Variants in DAB1 observed in about 807,000 individuals in gnomAD.
DAB1 encodes disabled homolog 1.
DAB1 carries 15 observed loss-of-function variants against 64.6 expected under a neutral mutation model. The ratio of observed to expected loss-of-function variants is 0.23; its 90% CI spans 0.16 to 0.36. The LOEUF (loss-of-function observed/expected upper bound fraction) is 0.36, where lower values mean the gene tolerates loss of function less well. DAB1 is among the 10% of genes least tolerant of loss of function. The pLI is 1.00. For synonymous variants in DAB1, 235 were observed against 251.9 expected (o/e 0.93, Z 0.64); for missense variants, 596 against 706.7 (o/e 0.84, Z 1.78).
chr1:57,653,910 CTATTAGA>C (rs1646285647), intron 6 of DAB1, among the ~76,000 whole-genome samples: 1 of 152,186 alleles, frequency 6.6e-6, no homozygotes. Flanking sequence ...TGTGCCCGGC[CTATTAGA>C]TATTGCTCTA....
intron 4 of DAB1, among the ~76,000 whole-genome samples, chr1:57,086,823 A>G (rs1653135999): frequency 6.6e-6 from 1 of 152,290 alleles, no homozygotes; most frequent in Middle Eastern, 3.4e-3. Flanking sequence ...TAATAGCATA[A>G]GGCTTTATAA....
At chr1:58,225,976 A>C (rs559169127) in intron 4 of DAB1, among the ~76,000 whole-genome samples, 2,651 of 150,298 alleles carry the variant, frequency 0.018, 71 homozygotes, top group African/African-American at 0.061. Flanking sequence ...AAAAAAAAAA[A>C]ACCTGAGGCT....
chr1:57,856,315 C>A (rs1653752712), intron 1 of DAB1, among the ~76,000 whole-genome samples: 1 of 152,148 alleles, frequency 6.6e-6, no homozygotes, highest in African/African-American at 2.4e-5. Flanking sequence ...AGAGCCCTTA[C>A]CATGATGGGC....
At chr1:57,438,159 TTCAG>T (rs1369792523) in intron 7 of DAB1, among the ~76,000 whole-genome samples, 1 of 152,202 alleles carries the variant, frequency 6.6e-6, no homozygotes, top group Non-Finnish European at 1.5e-5. Context: ...AGCCCTTTAG[TTCAG>T]TCAGTCATTC....
chr1:57,926,840 T>A lies in DAB1; in HGVS notation n.388-42678A>T, dbSNP rs1570008939. Among the ~76,000 whole-genome samples the A allele has an allele frequency of 3.9e-5, 6 of 152,278 alleles. 2 individuals carry two copies. The highest frequency in any genetic ancestry group is 3.9e-4 in the Admixed American group (6 of 15,296). On this transcript the variant is annotated intron_variant and non_coding_transcript_variant, in intron 5 of 20. Coordinates refer to the DAB1 transcript ENST00000485760. The stretch of plus-strand genomic sequence containing the variant: ...TTCCTAGGAAAGCTTCCCACTCAGC[T>A]CCAAATTGCAAAGTTACAGGGATAA...
intron 5 of DAB1, among the ~76,000 whole-genome samples, chr1:58,066,685 C>A (rs890391556): frequency 2.6e-5 from 4 of 152,068 alleles, no homozygotes; most frequent in East Asian, 3.9e-4. Context: ...TCGGGTGGCA[C>A]CTCTGACTAT....
intron 6 of DAB1, among the ~76,000 whole-genome samples, chr1:57,810,716 C>T (rs1208868579): frequency 6.6e-6 from 1 of 152,204 alleles, no homozygotes; most frequent in Admixed American, 6.5e-5. Flanking sequence ...TCCCAAAAGT[C>T]CTGTACTTCC....
chr1:58,176,910 C>T lies in DAB1; in HGVS notation n.310-26322G>A, dbSNP rs919552002. Among the ~76,000 whole-genome samples the T allele has an allele frequency of 1.7e-4, 26 of 150,892 alleles. 1 individual carries two copies. In the East Asian group the frequency reaches 2.1e-3, roughly 12 times the overall value. ...AGGAGAATGGCATGAACCTGGGAGG[C>T]GGAGCTTGCAGTGAGCTGAGATTGT... On this transcript the variant is annotated intron_variant and non_coding_transcript_variant, in intron 4 of 20. Transcript: ENST00000485760.
chr1:57,966,277 T>C (rs1236584681), intron 5 of DAB1, among the ~76,000 whole-genome samples: 1 of 152,156 alleles, frequency 6.6e-6, no homozygotes, highest in Non-Finnish European at 1.5e-5. Context: ...CCCTGGAATC[T>C]GGGCTAGACT....
chr1:57,896,918 G>A (rs1644400050), intron 5 of DAB1, among the ~76,000 whole-genome samples: 3 of 152,092 alleles, frequency 2.0e-5, no homozygotes, highest in African/African-American at 7.2e-5. Flanking sequence ...CTACTCCAAA[G>A]AAAAGAGAGA....
intron 7 of DAB1, among the ~76,000 whole-genome samples, chr1:57,481,113 A>G (rs954152697): frequency 5.3e-5 from 8 of 152,272 alleles, no homozygotes; most frequent in Non-Finnish European, 7.4e-5. Flanking sequence ...GTTTTGCTGC[A>G]TATTGGAATC....
chr1:58,489,719 G>A (rs1176918331), intron 3 of DAB1, among the ~76,000 whole-genome samples: 2 of 152,140 alleles, frequency 1.3e-5, no homozygotes, highest in African/African-American at 2.4e-5. Flanking sequence ...CACCTCACAG[G>A]GCCGGGTACT....
rs144289434 is a variant in DAB1, at chr1:57,075,953, G to T, written c.307-3539C>A. 2.7e-3 allele frequency among the ~76,000 whole-genome samples: 408 copies of T among 152,314 alleles called. 2 individuals carry two copies. Among genetic ancestry groups the T allele is most frequent in the Non-Finnish European group, 3.1e-3 (213 of 68,028 alleles). ...GAACTGGGTAAGGGGAGAGAACTGA[G>T]AATGTTCTGGATTCAGGCAGGTATC... On this transcript the variant is annotated intron_variant, in intron 4 of 14. Transcript: ENST00000371236.
intron 9 of DAB1, among the ~76,000 whole-genome samples, chr1:57,053,180 G>A (rs930820670): frequency 6.6e-6 from 1 of 152,164 alleles, no homozygotes; most frequent in Non-Finnish European, 1.5e-5. Flanking sequence ...TACCCAAAGT[G>A]AGGAAAGAAT....
At chr1:58,192,096 T>G (rs189018426) in intron 4 of DAB1, among the ~76,000 whole-genome samples, 177 of 152,284 alleles carry the variant, frequency 1.2e-3, no homozygotes, top group African/African-American at 4.1e-3. Context: ...GAGCTAAGAC[T>G]GCACTTAGAT....
In DAB1 at chr1:58,525,155, A is replaced by T. The variant is rs184456804; in HGVS notation, n.107+2106T>A. Among the ~76,000 whole-genome samples the T allele has an allele frequency of 5.1e-3, 778 of 152,304 alleles. 8 individuals carry two copies. The highest frequency in any genetic ancestry group is 0.018 in the African/African-American group (742 of 41,580). On this transcript the variant is annotated intron_variant and non_coding_transcript_variant, in intron 2 of 20. Transcript: ENST00000485760. ...CATAACCGATTTGTGTTTTATGGTAAAAAATTATAAAAGACTAATATCTAC... is the reference window on the plus strand; with the variant it reads ...CATAACCGATTTGTGTTTTATGGTATAAAATTATAAAAGACTAATATCTAC...
chr1:58,154,476 ATT>A (rs1655116172), intron 4 of DAB1, among the ~76,000 whole-genome samples: 3 of 152,094 alleles, frequency 2.0e-5, no homozygotes, highest in African/African-American at 7.2e-5. Context: ...TCATTCATTC[ATT>A]CATTCATTAG....
chr1:57,275,044 A>G (rs1671350982), intron 2 of DAB1, among the ~76,000 whole-genome samples: 1 of 152,160 alleles, frequency 6.6e-6, no homozygotes, highest in Non-Finnish European at 1.5e-5. Flanking sequence ...ATTTCCTTCC[A>G]AGATCTTTAT....
intron 5 of DAB1, among the ~76,000 whole-genome samples, chr1:58,098,330 AC>A (rs773971403): frequency 9.2e-5 from 14 of 152,106 alleles, no homozygotes; most frequent in Non-Finnish European, 2.1e-4. Context: ...TCGCCACCCT[AC>A]CTCTGAAAGA....
Sources: allele counts gnomAD v4.1 joint callset (sites outside exome capture counted in the v4.1 genomes callset), GRCh38; gene constraint gnomAD v4.1.1; transcripts MANE v1.5; gene names NCBI Gene and HGNC (gene_info 2026-07-23, HGNC 2026-07-21).